Variants in PLD5 observed in about 807,000 individuals in gnomAD.
The protein encoded by PLD5 is inactive phospholipase D5.
A neutral mutation model predicts 61.1 loss-of-function variants in PLD5; 36 were observed. The observed-to-expected ratio is 0.59, with a 90% confidence interval of 0.45 to 0.78. PLD5 has a LOEUF of 0.78. Ranked by LOEUF, PLD5 falls within the 30% of genes least tolerant of loss-of-function variation. The probability of loss-of-function intolerance (pLI) is 0.00; values close to 1 mark genes in which losing one functional copy is unlikely to be tolerated. For synonymous variants in PLD5, 243 were observed against 242.8 expected (o/e 1.00, Z -0.01); for missense variants, 515 against 644.4 (o/e 0.80, Z 2.17).
chr1:242,349,910 C>T (rs996274868), intron 1 of PLD5, among the ~76,000 whole-genome samples: 48 of 152,130 alleles, frequency 3.2e-4, no homozygotes, highest in African/African-American at 1.1e-3. Flanking sequence ...TGGTGACATG[C>T]ACCTATAGTC....
intron 5 of PLD5, among the ~76,000 whole-genome samples, chr1:242,161,773 A>C (rs1169367638): frequency 6.6e-6 from 1 of 152,162 alleles, no homozygotes; most frequent in Non-Finnish European, 1.5e-5. Flanking sequence ...GAGATTATAA[A>C]TGTCTAGCAG....
chr1:242,207,013 G>A (rs1669359222), intron 5 of PLD5, among the ~76,000 whole-genome samples: 1 of 152,154 alleles, frequency 6.6e-6, no homozygotes, highest in African/African-American at 2.4e-5. Context: ...CAGTCTTGAG[G>A]AGAATTCCTT....
At chr1:242,384,522 T>C (rs910930158) in intron 1 of PLD5, among the ~76,000 whole-genome samples, 9 of 152,220 alleles carry the variant, frequency 5.9e-5, no homozygotes, top group Admixed American at 3.9e-4. Flanking sequence ...CTAAATCCAA[T>C]TCCTTGGTCT....
At chr1:242,359,701 G>T (rs1055638812) in intron 1 of PLD5, among the ~76,000 whole-genome samples, 8 of 152,036 alleles carry the variant, frequency 5.3e-5, no homozygotes, top group Non-Finnish European at 1.2e-4. Flanking sequence ...TGTGCTTCAG[G>T]TTCCTTGTCT....
intron 1 of PLD5, among the ~76,000 whole-genome samples, chr1:242,349,817 T>C (rs191784465): frequency 1.1e-3 from 161 of 152,318 alleles, no homozygotes; most frequent in African/African-American, 3.6e-3. Flanking sequence ...AAGGTGATGA[T>C]ATTAGTAGAT....
intron 1 of PLD5, among the ~76,000 whole-genome samples, chr1:242,456,341 G>T (rs1314866618): frequency 1.3e-5 from 2 of 152,072 alleles, no homozygotes; most frequent in Non-Finnish European, 2.9e-5. Flanking sequence ...TTAAGATCCA[G>T]TTCCTTAGTC....
At position 242,216,543 on chromosome 1, in the gene PLD5, G is replaced by A. The variant is rs192780470; in HGVS notation, c.735+3445C>T. Among the ~76,000 whole-genome samples the A allele has an allele frequency of 9.9e-5, 15 of 152,274 alleles. 1 individual carries two copies. The highest frequency in any genetic ancestry group is 3.6e-4 in the African/African-American group (15 of 41,558). ...TCAGGTGCATAATTGCTCTCTACTTGGGAAATCAGCAATGTCAATTACCCT... is the reference window on the plus strand; with the variant it reads ...TCAGGTGCATAATTGCTCTCTACTTAGGAAATCAGCAATGTCAATTACCCT... On this transcript the variant is annotated intron_variant, in intron 5 of 9. Coordinates refer to ENST00000536534, the MANE Select transcript of PLD5 (RefSeq NM_001372062.1).
rs563625328 is a variant in PLD5, at chr1:242,475,339, C to T, written c.189+48749G>A. ...TCGGGAGGCTGAGGCAGGAGAATGG[C>T]GTGAACCCGGGAAGCGGAGCTTGCA... On this transcript the variant is annotated intron_variant, in intron 1 of 9. Coordinates refer to ENST00000536534, the MANE Select transcript of PLD5 (RefSeq NM_001372062.1). Among the ~76,000 whole-genome samples, 10 of 145,544 alleles carry T rather than the reference C, an allele frequency of 6.9e-5. No homozygotes were observed. The South Asian group carries it at 8.7e-4, about 13-fold the overall frequency.
At chr1:242,242,167 A>G (rs1407927990) in intron 4 of PLD5, among the ~76,000 whole-genome samples, 1 of 151,882 alleles carries the variant, frequency 6.6e-6, no homozygotes, top group Non-Finnish European at 1.5e-5. Context: ...AATGCAATAA[A>G]CATTTGTTAA....
intron 1 of PLD5, among the ~76,000 whole-genome samples, chr1:242,395,037 GTATATGTATATATGAATA>G: frequency 2.1e-5 from 1 of 47,858 alleles, no homozygotes; most frequent in South Asian, 7.0e-4. Flanking sequence ...ATATATGAAT[GTATATGTATATATGAATA>G]TATATGTATA....
intron 1 of PLD5, among the ~76,000 whole-genome samples, chr1:242,522,903 C>T (rs749733986): frequency 2.8e-4 from 42 of 152,312 alleles, no homozygotes; most frequent in Non-Finnish European, 4.7e-4. Context: ...CATATTAGAG[C>T]TTTCAGTGAC....
At chr1:242,191,897 G>A (rs985038659) in intron 5 of PLD5, among the ~76,000 whole-genome samples, 24 of 152,142 alleles carry the variant, frequency 1.6e-4, no homozygotes, top group African/African-American at 5.6e-4. Context: ...AGAGCCAGTG[G>A]TGAAAGAAAG....
chr1:242,196,253 T>C (rs1316874290), intron 5 of PLD5, among the ~76,000 whole-genome samples: 1 of 152,220 alleles, frequency 6.6e-6, no homozygotes, highest in East Asian at 1.9e-4. Flanking sequence ...TGTTTACACA[T>C]GGTGAAAGTA....
chr1:242,333,747 C>T (rs535356835), intron 2 of PLD5, among the ~76,000 whole-genome samples: 69 of 152,224 alleles, frequency 4.5e-4, no homozygotes, highest in African/African-American at 1.4e-3. Context: ...TGAGAACATA[C>T]GATATTTGTC....
intron 1 of PLD5, among the ~76,000 whole-genome samples, chr1:242,446,525 C>T (rs149652156): frequency 2.6e-5 from 4 of 152,172 alleles, no homozygotes; most frequent in African/African-American, 9.6e-5. Flanking sequence ...GAGCTGAGAT[C>T]GCGCCACTGC....
intron 2 of PLD5, among the ~76,000 whole-genome samples, chr1:242,307,663 G>A (rs974164152): frequency 2.6e-5 from 4 of 151,892 alleles, no homozygotes; most frequent in Non-Finnish European, 4.4e-5. Context: ...CAGGACAACA[G>A]TTCAAAACCA....
chr1:242,190,348 A>G (rs1385664881), intron 5 of PLD5, among the ~76,000 whole-genome samples: 3 of 151,182 alleles, frequency 2.0e-5, no homozygotes, highest in Non-Finnish European at 4.4e-5. Context: ...GGGTTTCACC[A>G]TGTTAGCCAG....
At chr1:242,106,165 T>G (rs1338600080) in intron 8 of PLD5, among the ~76,000 whole-genome samples, 1 of 152,228 alleles carries the variant, frequency 6.6e-6, no homozygotes, top group Non-Finnish European at 1.5e-5. Flanking sequence ...CAGTTTTCCT[T>G]GTGCGTATCC....
intron 5 of PLD5, among the ~76,000 whole-genome samples, chr1:242,162,956 C>A (rs1465551322): frequency 6.6e-6 from 1 of 152,026 alleles, no homozygotes; most frequent in Non-Finnish European, 1.5e-5. Flanking sequence ...CCATTCTTCA[C>A]AAAAATAGTA....
Sources: gnomAD v4.1 joint callset for allele counts (sites outside exome capture counted in the v4.1 genomes callset) on GRCh38, gnomAD v4.1.1 for gene constraint, MANE v1.5 for transcripts, NCBI Gene and HGNC (gene_info 2026-07-23, HGNC 2026-07-21) for gene names.